SHLD1: variants seen among roughly 807,000 people sequenced by gnomAD.
The protein encoded by SHLD1 is RINN1-REV7-interacting novel NHEJ regulator 3.
SHLD1 carries 3 observed loss-of-function variants against 5.5 expected under a neutral mutation model. That is an observed-to-expected ratio of 0.54 (90% CI 0.25 to 1.40). The LOEUF (loss-of-function observed/expected upper bound fraction) is 1.40. Ranked by LOEUF, SHLD1 falls within the 40% of genes most tolerant of loss-of-function variation. The pLI is 0.15. For missense variants in SHLD1, 210 were observed against 244.4 expected (o/e 0.86, Z 0.94); for synonymous variants, 92 against 94.3 (o/e 0.98, Z 0.14).
At chr20:5,807,873 A>G (rs2087401891) in intron 2 of SHLD1, among the ~76,000 whole-genome samples, 1 of 152,210 alleles carries the variant, frequency 6.6e-6, no homozygotes, top group African/African-American at 2.4e-5. Flanking sequence ...AGGTGGGTAT[A>G]TGTATCATTG....
At chr20:5,858,815 A>G (rs1743171219) in intron 2 of SHLD1, among the ~76,000 whole-genome samples, 1 of 152,164 alleles carries the variant, frequency 6.6e-6, no homozygotes, top group African/African-American at 2.4e-5. Context: ...AGCTTGGGTG[A>G]CAGAGTAAGA....
At chr20:5,841,182 T>G in intron 2 of SHLD1, among the ~76,000 whole-genome samples, 1 of 151,314 alleles carries the variant, frequency 6.6e-6, no homozygotes, top group East Asian at 1.9e-4. Flanking sequence ...TGTGTGTGTG[T>G]GTGTGTGTGT....
intron 2 of SHLD1, among the ~76,000 whole-genome samples, chr20:5,837,235 T>A (rs1313770822): frequency 1.3e-5 from 2 of 152,216 alleles, no homozygotes; most frequent in African/African-American, 4.8e-5. Flanking sequence ...ACAGAGGGGT[T>A]AGGAGTATTG....
chr20:5,791,290 C>T (rs1488866278), intron 2 of SHLD1, among the ~76,000 whole-genome samples: 1 of 151,962 alleles, frequency 6.6e-6, no homozygotes, highest in South Asian at 2.1e-4. Flanking sequence ...GTCAGTTGGG[C>T]ACAGTGGCTT....
At chr20:5,769,662 C>CT (rs1271627106) in intron 1 of SHLD1, among the ~76,000 whole-genome samples, 1 of 152,146 alleles carries the variant, frequency 6.6e-6, no homozygotes, top group East Asian at 1.9e-4. Flanking sequence ...CTCAAAATAT[C>CT]TTATTGTACT....
At chr20:5,787,326 C>T (rs1291949494) in intron 2 of SHLD1, among the ~76,000 whole-genome samples, 2 of 152,192 alleles carry the variant, frequency 1.3e-5, no homozygotes, top group East Asian at 3.8e-4. Context: ...TTTTTCTACC[C>T]AGAAGAAATT....
intron 2 of SHLD1, among the ~76,000 whole-genome samples, chr20:5,774,042 A>G (rs1167256966): frequency 6.6e-6 from 1 of 152,070 alleles, no homozygotes; most frequent in Non-Finnish European, 1.5e-5. Flanking sequence ...TGTCTCTACT[A>G]AAAATACAAA....
intron 2 of SHLD1, among the ~76,000 whole-genome samples, chr20:5,834,361 A>G (rs1455577673): frequency 6.6e-6 from 1 of 152,208 alleles, no homozygotes; most frequent in Non-Finnish European, 1.5e-5. Flanking sequence ...ATGCAGAAGA[A>G]CTTAGGAAAG....
At chr20:5,857,810 A>G (rs190743239) in intron 2 of SHLD1, among the ~76,000 whole-genome samples, 309 of 142,286 alleles carry the variant, frequency 2.2e-3, no homozygotes, top group Non-Finnish European at 3.6e-3. Context: ...AACCCTGTCT[A>G]AAAAAAAAAC....
chr20:5,800,979 T>C (rs907298419), intron 2 of SHLD1, among the ~76,000 whole-genome samples: 1 of 152,040 alleles, frequency 6.6e-6, no homozygotes, highest in African/African-American at 2.4e-5. Flanking sequence ...AACTCCCAAA[T>C]TGAAGTTGTT....
intron 2 of SHLD1, among the ~76,000 whole-genome samples, chr20:5,834,259 A>C (rs112332162): frequency 1.3e-5 from 2 of 152,294 alleles, no homozygotes; most frequent in African/African-American, 4.8e-5. Flanking sequence ...TGCCTTCAGG[A>C]GTGGGTTCTC....
At position 5,802,801 on chromosome 20, in the gene SHLD1, G is replaced by A. The variant is rs1296027210; in HGVS notation, c.178+29758G>A. On this transcript the variant is annotated intron_variant, in intron 2 of 2. Transcript: ENST00000303142. Reference sequence around the variant, plus strand: ...AGCTGGGACTACACATGTGCGCCACGTTGCCCAGTGTCTCAAGCAATTCAT... The same window carrying A: ...AGCTGGGACTACACATGTGCGCCACATTGCCCAGTGTCTCAAGCAATTCAT... Among the ~76,000 whole-genome samples, 4 of 151,926 alleles carry A rather than the reference G, an allele frequency of 2.6e-5. No homozygotes were observed. The East Asian group carries it at 5.8e-4, about 22-fold the overall frequency.
At chr20:5,832,851 G>T (rs996205210) in intron 2 of SHLD1, among the ~76,000 whole-genome samples, 1 of 150,368 alleles carries the variant, frequency 6.7e-6, no homozygotes, top group Non-Finnish European at 1.5e-5. Context: ...AAATAAATGG[G>T]GAAAAAAGCA....
chr20:5,857,706 G>A (rs2088107103), intron 2 of SHLD1, among the ~76,000 whole-genome samples: 1 of 151,908 alleles, frequency 6.6e-6, no homozygotes. Context: ...AGCTACTCAG[G>A]ACTGAGGTGG....
chr20:5,764,209 T>A lies in SHLD1; in HGVS notation c.-4-8653T>A, dbSNP rs201343701. ...ATATATATTTTATATATATATATAT[T>A]TGTGTGTGTGTATATATATATATAT... On this transcript the variant is annotated intron_variant, in intron 1 of 2. Transcript: ENST00000303142. 1.3e-3 allele frequency among the ~76,000 whole-genome samples: 104 copies of A among 81,344 alleles called. 1 individual carries two copies. Among genetic ancestry groups the A allele is most frequent in the African/African-American group, 3.8e-3 (85 of 22,460 alleles). The allele number at this position is 81,344 out of a possible 152,430, so 53.4% of individuals were successfully genotyped here. A position where few individuals can be genotyped will look rare whatever the true frequency, so the allele number is the denominator to read the frequency against.
At chr20:5,839,651 AT>A (rs2087834166) in intron 2 of SHLD1, among the ~76,000 whole-genome samples, 1 of 152,256 alleles carries the variant, frequency 6.6e-6, no homozygotes, top group Non-Finnish European at 1.5e-5. Flanking sequence ...ATAAAAGCTT[AT>A]AGAATGGTCA....
At chr20:5,837,291 ACCTTT>A (rs1380341798) in intron 2 of SHLD1, among the ~76,000 whole-genome samples, 1 of 152,132 alleles carries the variant, frequency 6.6e-6, no homozygotes, top group Non-Finnish European at 1.5e-5. Context: ...ACTCTCCAAA[ACCTTT>A]TTTTTCTTCC....
At chr20:5,805,847 C>T (rs376500) in intron 2 of SHLD1, among the ~76,000 whole-genome samples, 2,930 of 152,218 alleles carry the variant, frequency 0.019, 92 homozygotes, top group African/African-American at 0.067. Context: ...GTGATCCGCC[C>T]TCCTTGGCCT....
At chr20:5,770,146 G>A (rs897363373) in intron 1 of SHLD1, among the ~76,000 whole-genome samples, 2 of 152,148 alleles carry the variant, frequency 1.3e-5, no homozygotes, top group Non-Finnish European at 2.9e-5. Context: ...GGCAATACTG[G>A]ATCATTGAGC....
Sources: allele counts gnomAD v4.1 joint callset (sites outside exome capture counted in the v4.1 genomes callset), GRCh38; gene constraint gnomAD v4.1.1; transcripts MANE v1.5; gene names NCBI Gene and HGNC (gene_info 2026-07-23, HGNC 2026-07-21).